The following ROCK1 variants were observed in gnomAD, a reference collection of about 807,000 sequenced individuals.
ROCK1 encodes rho-associated protein kinase 1.
In ROCK1, 36 loss-of-function variants were observed where a neutral mutation model predicts 196.8. That is an observed-to-expected ratio of 0.18 (90% CI 0.14 to 0.24). ROCK1 has a LOEUF of 0.24. Among genes scored for constraint, ROCK1 ranks in the 10% least tolerant of loss-of-function variants. The pLI is 1.00. For synonymous variants in ROCK1, 443 were observed against 515.9 expected, an observed-to-expected ratio of 0.86 and a Z score of 1.91; for missense variants, 920 against 1,562.0, an observed-to-expected ratio of 0.59 and a Z score of 6.93.
At chr18:21,095,154 G>A (rs1156419587) in intron 1 of ROCK1, among the ~76,000 whole-genome samples, 1 of 150,554 alleles carries the variant, frequency 6.6e-6, no homozygotes, top group African/African-American at 2.4e-5. Context: ...ACTACAATGT[G>A]GTATCATTTC....
At chr18:21,047,958 TC>T (rs1467927317) in intron 4 of ROCK1, among the ~76,000 whole-genome samples, 1 of 152,092 alleles carries the variant, frequency 6.6e-6, no homozygotes, top group Non-Finnish European at 1.5e-5. Flanking sequence ...CAGTTTAACT[TC>T]CCCCGTATGA....
chr18:21,102,383 T>C (rs1280868162), intron 1 of ROCK1, among the ~76,000 whole-genome samples: 1 of 152,228 alleles, frequency 6.6e-6, no homozygotes, highest in Non-Finnish European at 1.5e-5. Flanking sequence ...CCTATCTTAG[T>C]GTGATAGACA....
intron 27 of ROCK1, among the ~76,000 whole-genome samples, chr18:20,960,500 C>G (rs2035316791): frequency 6.6e-6 from 1 of 151,576 alleles, no homozygotes; most frequent in African/African-American, 2.4e-5. Flanking sequence ...TGGATTGCAG[C>G]TTAAATGGGA....
At chr18:21,048,695 G>C (rs1402934327) in intron 4 of ROCK1, among the ~76,000 whole-genome samples, 1 of 151,958 alleles carries the variant, frequency 6.6e-6, no homozygotes, top group Non-Finnish European at 1.5e-5. Context: ...AACCACAGGC[G>C]TGTACCACCA....
intron 14 of ROCK1, among the ~76,000 whole-genome samples, chr18:21,007,403 T>C (rs958380893): frequency 4.6e-5 from 7 of 152,202 alleles, no homozygotes; most frequent in African/African-American, 1.4e-4. Context: ...TTCTACCATA[T>C]AGATGTACTA....
At chr18:20,955,945 A>C (rs1210986038) in intron 29 of ROCK1, among the ~76,000 whole-genome samples, 2 of 152,160 alleles carry the variant, frequency 1.3e-5, no homozygotes, top group East Asian at 3.8e-4. Context: ...AGGTGGAGGA[A>C]GGAAGCTGCC....
In ROCK1 at chr18:21,111,090, G is replaced by A. The variant is rs773557041; in HGVS notation, c.-180C>T. On this transcript the variant is annotated 5_prime_UTR_variant, in exon 1 of 33. Transcript: ENST00000399799. The surrounding 1 kb of genome is among the most constrained non-coding windows in gnomAD (Gnocchi z 4.2). ...AGGGGACCTCCGCTCTCCAGACCCC[G>A]GGCCGGGGGCAACAGCGACCCACAG... 3 of 600,378 alleles carry A rather than the reference G, an allele frequency of 5.0e-6. No homozygotes were observed. Among genetic ancestry groups the A allele is most frequent in the African/African-American group, 1.9e-5 (1 of 53,648 alleles). The allele number at this position is 600,378 out of a possible 1,614,324, so 37.2% of individuals were successfully genotyped here.
intron 2 of ROCK1, among the ~76,000 whole-genome samples, chr18:21,061,866 T>A (rs1256837004): frequency 4.6e-5 from 7 of 152,100 alleles, no homozygotes; most frequent in Admixed American, 3.9e-4. Flanking sequence ...AATATTAGGG[T>A]TGAGTAAGTA....
At chr18:21,044,047 A>C in intron 6 of ROCK1, 55 bp downstream of exon 6, 4 of 1,049,192 alleles carry the variant, frequency 3.8e-6, no homozygotes, top group Non-Finnish European at 4.3e-6. Context: ...ACCATTTTCT[A>C]AAGAAGCATC....
At chr18:21,041,154 G>A (rs534527474) in intron 8 of ROCK1, among the ~76,000 whole-genome samples, 2 of 150,072 alleles carry the variant, frequency 1.3e-5, no homozygotes, top group African/African-American at 4.9e-5. Context: ...AAATTAGCCA[G>A]GCATGGGTGG....
chr18:21,054,955 C>T (rs1414604603), intron 2 of ROCK1, among the ~76,000 whole-genome samples: 1 of 152,086 alleles, frequency 6.6e-6, no homozygotes, highest in Non-Finnish European at 1.5e-5. Flanking sequence ...TCCAACAACC[C>T]CAACCCCACC....
chr18:21,014,806 T>C (rs1202500715), intron 13 of ROCK1, among the ~76,000 whole-genome samples: 4 of 152,118 alleles, frequency 2.6e-5, no homozygotes, highest in African/African-American at 4.8e-5. Flanking sequence ...AAGTAAGTAA[T>C]GTATTAGGAG....
At chr18:21,078,323 T>C (rs529182369) in intron 1 of ROCK1, among the ~76,000 whole-genome samples, 1 of 148,660 alleles carries the variant, frequency 6.7e-6, no homozygotes, top group East Asian at 2.0e-4. Context: ...AGCAAGACTC[T>C]ATCTCAAAAC....
At chr18:21,010,973 T>C (rs2143445176) in intron 13 of ROCK1, among the ~76,000 whole-genome samples, 1 of 152,366 alleles carries the variant, frequency 6.6e-6, no homozygotes, top group South Asian at 2.1e-4. Context: ...TCTACTTTAA[T>C]TGGTATTAAC....
At chr18:20,972,478 A>G (rs1598513197) in intron 22 of ROCK1, among the ~76,000 whole-genome samples, 1 of 152,194 alleles carries the variant, frequency 6.6e-6, no homozygotes, top group East Asian at 1.9e-4. Context: ...TAAAGCCACA[A>G]GGCTGGATGA....
intron 1 of ROCK1, among the ~76,000 whole-genome samples, chr18:21,096,286 G>GC (rs905233833): frequency 4.6e-5 from 7 of 150,854 alleles, no homozygotes; most frequent in African/African-American, 1.2e-4. Flanking sequence ...TGCAACCTCT[G>GC]CCCCCCCGGG....
intron 10 of ROCK1, among the ~76,000 whole-genome samples, chr18:21,026,445 GAA>G (rs747563785): frequency 3.1e-4 from 11 of 35,302 alleles, no homozygotes; most frequent in African/African-American, 1.1e-3. Context: ...ACTCTGTCTC[GAA>G]AAAAAAAAAA....
At chr18:20,998,908 C>T (rs1208952951) in intron 16 of ROCK1, among the ~76,000 whole-genome samples, 1 of 151,978 alleles carries the variant, frequency 6.6e-6, no homozygotes, top group Non-Finnish European at 1.5e-5. Flanking sequence ...CGCATCCGGC[C>T]CTTACCAAAC....
At chr18:20,967,980 T>G in intron 25 of ROCK1, 40 bp from the exon 26 acceptor site, 1 of 1,347,138 alleles carries the variant, frequency 7.4e-7, no homozygotes, top group Non-Finnish European at 9.9e-7. Flanking sequence ...AGTGTAGTCA[T>G]CCAATTTAAT....
Sources: gnomAD v4.1 joint callset for allele counts (sites outside exome capture counted in the v4.1 genomes callset) on GRCh38, gnomAD v4.1.1 for gene constraint, Gnocchi (gnomAD v3.1) non-coding constraint, MANE v1.5 for transcripts, NCBI Gene and HGNC (gene_info 2026-07-23, HGNC 2026-07-21) for gene names.